FMN2: variants seen among roughly 807,000 people sequenced by gnomAD.
The protein encoded by FMN2 is formin 2.
In FMN2, 51 loss-of-function variants were observed where a neutral mutation model predicts 142.3. The ratio of observed to expected loss-of-function variants is 0.36; its 90% confidence interval spans 0.29 to 0.45. FMN2 has a LOEUF of 0.45. Ranked by LOEUF, FMN2 falls within the 20% of genes least tolerant of loss-of-function variation. FMN2 has a pLI of 1.00. For missense variants in FMN2, 1,936 were observed against 2,122.8 expected (o/e 0.91, Z 1.73); for synonymous variants, 882 against 869.8 (o/e 1.01, Z -0.25).
chr1:240,157,491 C>A (rs1664070718), intron 2 of FMN2, among the ~76,000 whole-genome samples: 1 of 152,090 alleles, frequency 6.6e-6, no homozygotes, highest in Non-Finnish European at 1.5e-5. Context: ...AGAAAAGTTG[C>A]CTCCATGTCT....
chr1:240,208,520 T>C lies in FMN2; in HGVS notation c.3708T>C (p.Pro1236=). The C allele has an allele frequency of 6.2e-7, 1 of 1,611,444 alleles. No homozygotes were observed. The highest frequency in any genetic ancestry group is 8.5e-7 in the Non-Finnish European group (1 of 1,179,232). The change falls in exon 5 of 18, where the codon CCT becomes CCC. Residue 1236 remains proline, a synonymous_variant. Coordinates refer to ENST00000319653, the MANE Select transcript of FMN2 (RefSeq NM_020066.5). ...CTGGGACAGGAATCCCACCGCCCCC[T>C]CTGCTTCCTGTATCAGGCCCTCCAC... ...PPPGTGIPPP[P]LLPVSGPPLL... is the part of the protein sequence containing the mutation.
intron 2 of FMN2, chr1:240,142,799 G>C (rs1321458619): frequency 1.9e-6 from 3 of 1,586,850 alleles, no homozygotes; most frequent in Non-Finnish European, 2.6e-6. Context: ...TATGTGTCTG[G>C]AACCCTGTGA....
chr1:240,346,401 C>T (rs1038124423), intron 13 of FMN2, among the ~76,000 whole-genome samples: 13 of 151,898 alleles, frequency 8.6e-5, no homozygotes, highest in South Asian at 4.2e-4. Context: ...TCTTAAAATG[C>T]GGTAATATTT....
rs185096053 is a variant in FMN2 at position 240,216,685 on chromosome 1, C to T, written c.4065+5450C>T. 2.7e-3 allele frequency among the ~76,000 whole-genome samples: 412 copies of T among 152,292 alleles called. 3 individuals are homozygous for T. The South Asian group carries it at 0.027, about 10-fold the overall frequency. ...TTTGGTATCATGTTTAGTCTTTCCG[C>T]TGTGCTTGATGACCTAATCCCTAAA... is the stretch of plus-strand genomic sequence containing the variant. On this transcript the variant is annotated intron_variant, in intron 6 of 17. Coordinates refer to ENST00000319653, the MANE Select transcript of FMN2 (RefSeq NM_020066.5).
intron 15 of FMN2, among the ~76,000 whole-genome samples, chr1:240,413,130 A>ATC: frequency 1.4e-5 from 2 of 140,946 alleles, no homozygotes; most frequent in African/African-American, 5.4e-5. Flanking sequence ...CAAAAAAAAA[A>ATC]AAAAAAAAAA....
intron 6 of FMN2, among the ~76,000 whole-genome samples, chr1:240,226,835 TACAC>T (rs1190160042): frequency 7.0e-6 from 1 of 141,912 alleles, no homozygotes; most frequent in African/African-American, 2.6e-5. Flanking sequence ...CACACACACA[TACAC>T]ACACACACAC....
intron 16 of FMN2, among the ~76,000 whole-genome samples, chr1:240,441,272 C>T (rs1236300579): frequency 4.6e-5 from 7 of 152,060 alleles, no homozygotes; most frequent in Non-Finnish European, 7.4e-5. Context: ...GGATTACAGG[C>T]GTGAGCCACC....
intron 14 of FMN2, among the ~76,000 whole-genome samples, chr1:240,360,351 AT>A (rs1259683868): frequency 3.3e-5 from 5 of 152,158 alleles, no homozygotes; most frequent in African/African-American, 1.2e-4. Flanking sequence ...CTGAATCTGT[AT>A]TTTCTGTGCA....
At chr1:240,472,268 G>T in intron 16 of FMN2, 104 bp from the exon 17 acceptor site, 1 of 784,176 alleles carries the variant, frequency 1.3e-6, no homozygotes. Context: ...ATTTTCTGCA[G>T]TAATTCAAAT....
chr1:240,133,547 A>G (rs186821496), intron 2 of FMN2, among the ~76,000 whole-genome samples: 172 of 152,216 alleles, frequency 1.1e-3, no homozygotes, highest in Non-Finnish European at 2.1e-3. Context: ...CTGCCTTTCA[A>G]TACTTTCCCA....
At chr1:240,114,652 ATTTCT>A (rs1661949448) in intron 1 of FMN2, among the ~76,000 whole-genome samples, 1 of 137,778 alleles carries the variant, frequency 7.3e-6, no homozygotes, top group Non-Finnish European at 1.6e-5. Context: ...TAATTATATC[ATTTCT>A]TTTTTTTTTT....
chr1:240,391,766 G>C (rs1325237788), intron 14 of FMN2, among the ~76,000 whole-genome samples: 1 of 151,792 alleles, frequency 6.6e-6, no homozygotes, highest in Non-Finnish European at 1.5e-5. Context: ...AATATGTATG[G>C]AGGTATGGGG....
intron 3 of FMN2, among the ~76,000 whole-genome samples, chr1:240,186,627 A>G (rs1394896353): frequency 6.6e-6 from 1 of 152,150 alleles, no homozygotes; most frequent in Non-Finnish European, 1.5e-5. Context: ...AAGAAGAGTG[A>G]GTGCAGTGCT....
At chr1:240,210,693 C>T (rs552701848) in intron 5 of FMN2, among the ~76,000 whole-genome samples, 2 of 152,234 alleles carry the variant, frequency 1.3e-5, no homozygotes, top group East Asian at 3.9e-4. Flanking sequence ...GGAGAGGATG[C>T]CATCCTGTAA....
At chr1:240,134,857 C>A (rs1662876393) in intron 2 of FMN2, among the ~76,000 whole-genome samples, 2 of 152,148 alleles carry the variant, frequency 1.3e-5, no homozygotes, top group Admixed American at 6.6e-5. Flanking sequence ...AACCCTCATG[C>A]CCCCACATCT....
chr1:240,301,673 A>G (rs1014868840), intron 8 of FMN2, among the ~76,000 whole-genome samples: 1 of 151,878 alleles, frequency 6.6e-6, no homozygotes, highest in Non-Finnish European at 1.5e-5. Flanking sequence ...TTCTTTCAGC[A>G]TAATAAAGAT....
intron 7 of FMN2, among the ~76,000 whole-genome samples, chr1:240,293,513 C>T (rs1027217195): frequency 6.6e-6 from 1 of 152,092 alleles, no homozygotes. Flanking sequence ...CCTTTTCTTA[C>T]ATATTATCAC....
intron 2 of FMN2, among the ~76,000 whole-genome samples, chr1:240,148,454 A>AAG (rs59759995): frequency 6.6e-6 from 1 of 150,688 alleles, no homozygotes; most frequent in African/African-American, 2.4e-5. Context: ...GAGAGAGAGA[A>AAG]AGAGAGAGAG....
At chr1:240,241,242 G>GT (rs1667885903) in intron 6 of FMN2, among the ~76,000 whole-genome samples, 3 of 122,012 alleles carry the variant, frequency 2.5e-5, no homozygotes, top group African/African-American at 6.7e-5. Flanking sequence ...TTTTTTAATT[G>GT]TATTTTTTTT....
Sources: gnomAD v4.1 joint callset for allele counts (sites outside exome capture counted in the v4.1 genomes callset) on GRCh38, gnomAD v4.1.1 for gene constraint, MANE v1.5 for transcripts, NCBI Gene and HGNC (gene_info 2026-07-23, HGNC 2026-07-21) for gene names.